The following PRKAR2A variants were observed in gnomAD, a reference collection of about 807,000 sequenced individuals.
The protein encoded by PRKAR2A is protein kinase cAMP-dependent type II regulatory subunit alpha.
A neutral mutation model predicts 51.9 loss-of-function variants in PRKAR2A; 29 were observed. That is an observed-to-expected ratio of 0.56 (90% CI 0.42 to 0.76). The LOEUF is 0.76. Ranked by LOEUF, PRKAR2A falls within the 30% of genes least tolerant of loss-of-function variation. The pLI is 0.00. For synonymous variants in PRKAR2A, 178 were observed against 186.2 expected (o/e 0.96, Z 0.36); for missense variants, 445 against 512.1 (o/e 0.87, Z 1.26).
intron 5 of PRKAR2A, among the ~76,000 whole-genome samples, chr3:48,778,947 T>A (rs1451508196): frequency 6.7e-6 from 1 of 149,970 alleles, no homozygotes; most frequent in Non-Finnish European, 1.5e-5. Flanking sequence ...TGCCTCAACC[T>A]CCTAAGTAGC....
intron 2 of PRKAR2A, 152 bp from the exon 3 acceptor site, chr3:48,794,201 G>A: frequency 1.7e-6 from 1 of 603,578 alleles, no homozygotes; most frequent in Non-Finnish European, 2.8e-6. Context: ...GCCCAGGCTG[G>A]AGTACAGTGG....
At chr3:48,826,415 G>A (rs1317157186) in intron 1 of PRKAR2A, among the ~76,000 whole-genome samples, 1 of 152,186 alleles carries the variant, frequency 6.6e-6, no homozygotes, top group African/African-American at 2.4e-5. Flanking sequence ...GGCAAGGTCT[G>A]TAAGGGTCCT....
At chr3:48,745,595 A>G (rs912724931), downstream of PRKAR2A, among the ~76,000 whole-genome samples, 1 of 134,708 alleles carries the variant, frequency 7.4e-6, no homozygotes, top group Non-Finnish European at 1.5e-5. Context: ...AGTGAGTGGA[A>G]TGATGCAATC....
At chr3:48,829,871 ATTTTTTT>A (rs763726926) in intron 1 of PRKAR2A, among the ~76,000 whole-genome samples, 4 of 87,732 alleles carry the variant, frequency 4.6e-5, no homozygotes, top group East Asian at 3.2e-4. Flanking sequence ...ATATATATAT[ATTTTTTT>A]TTTTTTTTTA....
intron 1 of PRKAR2A, among the ~76,000 whole-genome samples, chr3:48,845,168 C>T (rs1190923009): frequency 6.6e-6 from 1 of 151,996 alleles, no homozygotes; most frequent in East Asian, 1.9e-4. Flanking sequence ...TGTCACTGTC[C>T]TCAACTTAAA....
At chr3:48,759,450 G>A (rs1203676835) in intron 8 of PRKAR2A, among the ~76,000 whole-genome samples, 4 of 150,882 alleles carry the variant, frequency 2.7e-5, no homozygotes, top group African/African-American at 9.8e-5. Flanking sequence ...GCAATGGCGC[G>A]ATCTTGGCTC....
Position 48,832,500 on chromosome 3 carries a change from T to C in PRKAR2A, c.262+14835A>G, listed in dbSNP as rs376308532. 1.2e-4 allele frequency among the ~76,000 whole-genome samples: 18 copies of C among 152,154 alleles called. No homozygotes were observed. The East Asian group carries it at 2.5e-3, about 21-fold the overall frequency. On this transcript the variant is annotated intron_variant, in intron 1 of 10. Coordinates refer to ENST00000265563, the MANE Select transcript of PRKAR2A (RefSeq NM_004157.4). Reference sequence around the variant, plus strand: ...TTTTTCTTTTAATTCCAAAGAAACATATACTAAATTTTACTCCAAAGAGGA... The same window carrying C: ...TTTTTCTTTTAATTCCAAAGAAACACATACTAAATTTTACTCCAAAGAGGA...
chr3:48,782,914 G>T, intron 5 of PRKAR2A, 72 bp downstream of exon 5: 1 of 1,118,406 alleles, frequency 8.9e-7, no homozygotes, highest in Non-Finnish European at 1.4e-6. Flanking sequence ...ATACAGAATA[G>T]GATAAAGCAT....
intron 1 of PRKAR2A, among the ~76,000 whole-genome samples, chr3:48,812,045 G>C (rs559170752): frequency 6.6e-6 from 1 of 151,840 alleles, no homozygotes; most frequent in South Asian, 2.1e-4. Context: ...GGTGATAGCT[G>C]TACAAGTCTG....
At chr3:48,785,360 A>G (rs1054107025) in intron 4 of PRKAR2A, among the ~76,000 whole-genome samples, 8 of 150,838 alleles carry the variant, frequency 5.3e-5, no homozygotes, top group African/African-American at 2.0e-4. Context: ...TCCCGGGCTC[A>G]AGCAATTCTC....
rs1341238618 is a variant in PRKAR2A, at chr3:48,750,525, A to G, written c.*1060T>C. ...CTGAGAATTTTCTTTAATTTCAAAAAAATAGCTGCTGCTTCTTTAAAGAGT... is the reference window on the plus strand; with the variant it reads ...CTGAGAATTTTCTTTAATTTCAAAAGAATAGCTGCTGCTTCTTTAAAGAGT... On this transcript the variant is annotated 3_prime_UTR_variant, in exon 11 of 11. Transcript: ENST00000265563. 4.6e-5 allele frequency: 7 copies of G among 152,382 alleles called. No homozygotes were observed. Among genetic ancestry groups the G allele is most frequent in the Non-Finnish European group, 1.0e-4 (7 of 68,044 alleles). The allele number at this position is 152,382 out of a possible 1,614,324, so 9.4% of individuals were successfully genotyped here.
intron 1 of PRKAR2A, among the ~76,000 whole-genome samples, chr3:48,846,545 G>T (rs1405599768): frequency 1.3e-5 from 2 of 152,134 alleles, no homozygotes; most frequent in East Asian, 3.9e-4. Context: ...AATGAGGTAG[G>T]GTGTCTATTT....
chr3:48,795,290 A>G (rs530644432), intron 2 of PRKAR2A, among the ~76,000 whole-genome samples: 1 of 152,258 alleles, frequency 6.6e-6, no homozygotes, highest in East Asian at 1.9e-4. Context: ...ACATTTTTAT[A>G]TAAAAAGTTT....
At chr3:48,785,766 G>A (rs1430898099) in intron 4 of PRKAR2A, among the ~76,000 whole-genome samples, 2 of 152,030 alleles carry the variant, frequency 1.3e-5, no homozygotes, top group Non-Finnish European at 2.9e-5. Context: ...TGTCATAAAT[G>A]GCTCAGAACA....
chr3:48,805,547 G>T (rs202188242), intron 2 of PRKAR2A, among the ~76,000 whole-genome samples: 4 of 152,134 alleles, frequency 2.6e-5, no homozygotes, highest in Admixed American at 6.6e-5. Flanking sequence ...CTCACCTATT[G>T]CAAGTTACTT....
At chr3:48,769,157 C>CTTT (rs200382765) in intron 6 of PRKAR2A, among the ~76,000 whole-genome samples, 1 of 136,312 alleles carries the variant, frequency 7.3e-6, no homozygotes, top group East Asian at 2.2e-4. Context: ...AAATATCTTT[C>CTTT]TTTTTTTTTT....
intron 2 of PRKAR2A, among the ~76,000 whole-genome samples, chr3:48,801,075 G>A (rs2082582125): frequency 6.6e-6 from 1 of 152,198 alleles, no homozygotes. Context: ...TGCCTCCTGG[G>A]TTCAAGTGAT....
rs535702186 is a variant in PRKAR2A, at chr3:48,797,808, C to A, written c.299-3759G>T. Among the ~76,000 whole-genome samples the A allele has an allele frequency of 8.5e-5, 13 of 152,250 alleles. 1 individual carries two copies. In the South Asian group the frequency reaches 2.5e-3, roughly 29 times the overall value. On this transcript the variant is annotated intron_variant, in intron 2 of 10. Coordinates refer to ENST00000265563, the MANE Select transcript of PRKAR2A (RefSeq NM_004157.4). ...CTAATGTGGGCCTTGGGTTACTGAGCCAGGAAAGTAACAATGGGATATAGG... is the reference window on the plus strand; with the variant it reads ...CTAATGTGGGCCTTGGGTTACTGAGACAGGAAAGTAACAATGGGATATAGG...
At chr3:48,791,765 T>C (rs1052313386) in intron 3 of PRKAR2A, among the ~76,000 whole-genome samples, 12 of 150,734 alleles carry the variant, frequency 8.0e-5, no homozygotes, top group Non-Finnish European at 1.0e-4. Flanking sequence ...TACCCGGGCA[T>C]GGTGGCACAT....
Sources: gnomAD v4.1 joint callset for allele counts (sites outside exome capture counted in the v4.1 genomes callset) on GRCh38, gnomAD v4.1.1 for gene constraint, MANE v1.5 for transcripts, NCBI Gene and HGNC (gene_info 2026-07-23, HGNC 2026-07-21) for gene names.